Variants in SOX5 observed in about 807,000 individuals in gnomAD.
The protein encoded by SOX5 is SRY-box transcription factor 5, also known as transcription factor SOX-5.
A neutral mutation model predicts 92.0 loss-of-function variants in SOX5; 9 were observed. That is an observed-to-expected ratio of 0.10 (90% CI 0.06 to 0.17). The LOEUF (loss-of-function observed/expected upper bound fraction) is 0.17. Among genes scored for constraint, SOX5 ranks in the 10% least tolerant of loss-of-function variants. SOX5 has a pLI of 1.00. For synonymous variants in SOX5, 344 were observed against 336.3 expected (o/e 1.02, Z -0.25); for missense variants, 642 against 944.5 (o/e 0.68, Z 4.20).
chr12:24,174,045 T>C (rs1294714612), intron 4 of SOX5, among the ~76,000 whole-genome samples: 2 of 152,074 alleles, frequency 1.3e-5, no homozygotes, highest in Admixed American at 6.6e-5. Flanking sequence ...TCACCCAGTC[T>C]GGAGTACAGT....
intron 2 of SOX5, among the ~76,000 whole-genome samples, chr12:24,349,983 A>G (rs1953866183): frequency 6.6e-6 from 1 of 152,040 alleles, no homozygotes; most frequent in African/African-American, 2.4e-5. Context: ...GTTTCTATCT[A>G]CCTTTGCTCA....
chr12:23,823,893 C>T (rs117412715), intron 3 of SOX5, among the ~76,000 whole-genome samples: 13,311 of 152,184 alleles, frequency 0.087, 741 homozygotes, highest in East Asian at 0.2. Flanking sequence ...GCCTTTCTTT[C>T]GTTTATTTGA....
At chr12:23,797,976 G>T (rs953942043) in intron 3 of SOX5, among the ~76,000 whole-genome samples, 3 of 151,612 alleles carry the variant, frequency 2.0e-5, no homozygotes, top group Non-Finnish European at 4.4e-5. Flanking sequence ...TGGAATGATC[G>T]TCCCCCAAAT....
At chr12:23,688,636 T>A (rs562778697) in intron 6 of SOX5, among the ~76,000 whole-genome samples, 2 of 152,188 alleles carry the variant, frequency 1.3e-5, no homozygotes, top group South Asian at 2.1e-4. Context: ...TAGCAAATTA[T>A]CAGAGATCCT....
In SOX5 at chr12:24,044,240, G is replaced by C. The variant is rs559894168; in HGVS notation, c.-1-148216C>G. ...TCCTATATGTGTATGACAACACAAA[G>C]ATGAAGGACATAATGCCTCAGCGGA... On this transcript the variant is annotated intron_variant, in intron 4 of 4. Transcript: ENST00000446891. Among the ~76,000 whole-genome samples, 11 of 152,248 alleles carry C rather than the reference G, an allele frequency of 7.2e-5. No individual in the cohort carries two copies. In the South Asian group the frequency reaches 2.3e-3, roughly 32 times the overall value.
At chr12:24,074,630 CAAAAAAA>C (rs76320418) in intron 4 of SOX5, among the ~76,000 whole-genome samples, 1 of 51,274 alleles carries the variant, frequency 2.0e-5, no homozygotes. Flanking sequence ...TGTAAACTAC[CAAAAAAA>C]AAAAAAAAAA....
chr12:23,753,725 T>G (rs1326409811), intron 4 of SOX5, among the ~76,000 whole-genome samples: 6 of 151,808 alleles, frequency 4.0e-5, no homozygotes, highest in African/African-American at 7.2e-5. Flanking sequence ...ACTACATTCC[T>G]GGGCCCTACA....
At chr12:23,995,720 T>C (rs1056416170) in intron 4 of SOX5, among the ~76,000 whole-genome samples, 1 of 152,132 alleles carries the variant, frequency 6.6e-6, no homozygotes, top group African/African-American at 2.4e-5. Context: ...TTTTGAGTCC[T>C]AAAAGGGATC....
intron 6 of SOX5, among the ~76,000 whole-genome samples, chr12:23,681,797 A>G (rs1647336643): frequency 6.6e-6 from 1 of 151,802 alleles, no homozygotes; most frequent in African/African-American, 2.4e-5. Flanking sequence ...AAAAATTATA[A>G]TTGTATATTT....
intron 4 of SOX5, among the ~76,000 whole-genome samples, chr12:24,065,815 A>T (rs112734742): frequency 4.6e-5 from 7 of 152,308 alleles, no homozygotes; most frequent in Admixed American, 1.3e-4. Flanking sequence ...CATGAAATGC[A>T]TATCCCTGTC....
chr12:23,870,465 C>A lies in SOX5; in HGVS notation c.271-24272G>T, dbSNP rs116947772. ...TATAAACCTAGAGGCCTTTCAAATT[C>A]TTAACACATTTCCCCAATAAATACC... On this transcript the variant is annotated intron_variant, in intron 2 of 14. Coordinates refer to ENST00000451604, the MANE Select transcript of SOX5 (RefSeq NM_006940.6). Among the ~76,000 whole-genome samples the A allele has an allele frequency of 4.6e-4, 70 of 152,188 alleles. 1 individual carries two copies. The East Asian group carries it at 0.012, about 26-fold the overall frequency.
chr12:24,076,644 G>A (rs915260405), intron 4 of SOX5, among the ~76,000 whole-genome samples: 1 of 148,454 alleles, frequency 6.7e-6, no homozygotes, highest in Non-Finnish European at 1.5e-5. Flanking sequence ...GATTGCATTT[G>A]AATTCTATAG....
chr12:24,155,567 T>C (rs1456506344), intron 4 of SOX5, among the ~76,000 whole-genome samples: 1 of 152,118 alleles, frequency 6.6e-6, no homozygotes, highest in Non-Finnish European at 1.5e-5. Flanking sequence ...CCTGCCCACA[T>C]GGTGGCCTTC....
At chr12:23,793,241 T>TA (rs1259327299) in intron 3 of SOX5, among the ~76,000 whole-genome samples, 1 of 152,174 alleles carries the variant, frequency 6.6e-6, no homozygotes, top group East Asian at 1.9e-4. Flanking sequence ...AATTTTAAAG[T>TA]AAAAAAATTG....
intron 3 of SOX5, among the ~76,000 whole-genome samples, chr12:23,802,493 A>G (rs1261083853): frequency 1.3e-5 from 2 of 151,366 alleles, no homozygotes; most frequent in Non-Finnish European, 3.0e-5. Flanking sequence ...CATTCGTTGT[A>G]ATTTTTTTTT....
At chr12:24,351,877 C>T (rs1266577328) in intron 2 of SOX5, among the ~76,000 whole-genome samples, 1 of 152,204 alleles carries the variant, frequency 6.6e-6, no homozygotes, top group Non-Finnish European at 1.5e-5. Context: ...TTTGATTTCT[C>T]ACCTGTTACC....
intron 7 of SOX5, among the ~76,000 whole-genome samples, chr12:23,658,274 A>G (rs1024617948): frequency 3.9e-5 from 6 of 152,212 alleles, no homozygotes; most frequent in African/African-American, 1.4e-4. Flanking sequence ...CAATCAAAAG[A>G]TATATTTTAA....
At chr12:24,210,584 A>G (rs1213311945) in intron 4 of SOX5, among the ~76,000 whole-genome samples, 1 of 152,252 alleles carries the variant, frequency 6.6e-6, no homozygotes, top group East Asian at 1.9e-4. Flanking sequence ...TGGCAAACAA[A>G]TGAGAAATTC....
upstream of SOX5, among the ~76,000 whole-genome samples, chr12:23,951,624 C>A (rs993378214): frequency 9.5e-5 from 14 of 147,544 alleles, no homozygotes; most frequent in African/African-American, 3.5e-4. Flanking sequence ...TTAATTCTAT[C>A]ATCAGGAGAT....
Sources: allele counts gnomAD v4.1 joint callset (sites outside exome capture counted in the v4.1 genomes callset), GRCh38; gene constraint gnomAD v4.1.1; transcripts MANE v1.5; gene names NCBI Gene and HGNC (gene_info 2026-07-23, HGNC 2026-07-21).